Variants in TRDN observed in about 807,000 individuals in gnomAD.
TRDN encodes the protein triadin in skeletal muscle.
A neutral mutation model predicts 149.7 loss-of-function variants in TRDN; 161 were observed. That is an observed-to-expected ratio of 1.08 (90% CI 0.95 to 1.23). TRDN has a LOEUF of 1.23. Ranked by LOEUF, TRDN falls within the 50% of genes most tolerant of loss-of-function variation. The pLI, the probability that TRDN is intolerant of heterozygous loss-of-function variation, is 0.00. For missense variants in TRDN, 896 were observed against 823.5 expected, an observed-to-expected ratio of 1.09 and a Z score of -1.08; for synonymous variants, 294 against 250.5, an observed-to-expected ratio of 1.17 and a Z score of -1.64.
intron 5 of TRDN, chr6:123,528,856 C>G (rs1286716502): frequency 9.8e-6 from 10 of 1,022,014 alleles, no homozygotes; most frequent in African/African-American, 1.7e-5. Context: ...TGTGGAGCAA[C>G]TGAAGCTCTA....
intron 4 of TRDN, among the ~76,000 whole-genome samples, chr6:123,540,482 A>G (rs1235261147): frequency 6.6e-6 from 1 of 151,970 alleles, no homozygotes; most frequent in Non-Finnish European, 1.5e-5. Context: ...AGCCAACTCT[A>G]TTTATGCCTT....
chr6:123,311,304 C>T (rs957902075), intron 24 of TRDN, among the ~76,000 whole-genome samples: 9 of 151,850 alleles, frequency 5.9e-5, no homozygotes, highest in Non-Finnish European at 2.9e-5. Context: ...TGGGGGAAAT[C>T]GCCCCCATGA....
chr6:123,356,057 T>C (rs1425842423), intron 20 of TRDN, among the ~76,000 whole-genome samples: 1 of 151,774 alleles, frequency 6.6e-6, no homozygotes, highest in African/African-American at 2.4e-5. Context: ...GATAATCATA[T>C]CATTTGTGAA....
chr6:123,578,416 C>G (rs1782958521), intron 1 of TRDN, among the ~76,000 whole-genome samples: 1 of 151,772 alleles, frequency 6.6e-6, no homozygotes, highest in Non-Finnish European at 1.5e-5. Context: ...TTACATATAA[C>G]TTCCCCATTG....
intron 38 of TRDN, among the ~76,000 whole-genome samples, chr6:123,240,891 T>G (rs1277921516): frequency 1.3e-5 from 2 of 151,896 alleles, no homozygotes; most frequent in African/African-American, 4.8e-5. Context: ...AGTTACTTGA[T>G]TTTTGAGGTG....
chr6:123,593,941 G>T (rs1011331732), intron 1 of TRDN, among the ~76,000 whole-genome samples: 1 of 152,110 alleles, frequency 6.6e-6, no homozygotes, highest in Non-Finnish European at 1.5e-5. Context: ...TGATTAAATT[G>T]TAGAGGAAAT....
chr6:123,469,491 A>G (rs1423805697), intron 9 of TRDN: 1 of 152,206 alleles, frequency 6.6e-6, no homozygotes, highest in Non-Finnish European at 1.5e-5. Context: ...GACCTCTCCA[A>G]CTGGGAATAA....
At chr6:123,538,060 T>C (rs1487167202) in intron 4 of TRDN, among the ~76,000 whole-genome samples, 1 of 152,188 alleles carries the variant, frequency 6.6e-6, no homozygotes, top group Admixed American at 6.5e-5. Context: ...AAGAATAATC[T>C]CTGTCATCAA....
At position 123,410,877 on chromosome 6, in the gene TRDN, A is replaced by C. The variant is rs137983016; in HGVS notation, c.1052-17200T>G. Among the ~76,000 whole-genome samples, 711 of 152,030 alleles carry C rather than the reference A, an allele frequency of 4.7e-3. 2 individuals carry two copies. The highest frequency in any genetic ancestry group is 7.2e-3 in the Non-Finnish European group (491 of 67,992). On this transcript the variant is annotated intron_variant, in intron 12 of 40. Transcript: ENST00000334268. ...ATTTTGCTTCACAAATACATAACAA[A>C]ATGACACCTATTGATTGCCAACATA... is the stretch of plus-strand genomic sequence containing the variant.
chr6:123,547,260 TA>T, intron 4 of TRDN, 79 bp downstream of exon 4: 1 of 859,210 alleles, frequency 1.2e-6, no homozygotes, highest in Non-Finnish European at 1.7e-6. Flanking sequence ...TTAAAATAAG[TA>T]AAATATATTT....
rs1269993946 is a variant in TRDN, at chr6:123,547,359, C to T, written c.405G>A (p.Glu135=). 1.4e-6 allele frequency: 2 copies of T among 1,460,372 alleles called. No homozygotes were observed. Among genetic ancestry groups the T allele is most frequent in the Non-Finnish European group, 1.8e-6 (2 of 1,099,478 alleles). The allele number at this position is 1,460,372 out of a possible 1,614,324, so 90.5% of individuals were successfully genotyped here. A position where few individuals can be genotyped will look rare whatever the true frequency, so the allele number is the denominator to read the frequency against. Residue 135 remains glutamate, a synonymous_variant, in exon 4 of 41, where the codon GAG becomes GAA. Coordinates refer to ENST00000334268, the MANE Select transcript of TRDN (RefSeq NM_006073.4). ...DEDTDKGEID[E]PPLRKKEIHK... ...ACTAACCTTTTTTTCTCAAGGGAGG[C>T]TCATCTATTTCTCCTAGACCAAGAT...
intron 38 of TRDN, among the ~76,000 whole-genome samples, chr6:123,232,574 GAGAAACT>G (rs1367447138): frequency 6.6e-6 from 1 of 151,954 alleles, no homozygotes; most frequent in Non-Finnish European, 1.5e-5. Context: ...GCAGAGGTAG[GAGAAACT>G]CTTATGGTAA....
intron 33 of TRDN, among the ~76,000 whole-genome samples, chr6:123,261,756 G>A (rs1477298969): frequency 1.3e-5 from 2 of 151,662 alleles, no homozygotes; most frequent in Admixed American, 1.3e-4. Flanking sequence ...ACTTTAAAAT[G>A]GCTTTATAAT....
intron 32 of TRDN, among the ~76,000 whole-genome samples, chr6:123,266,862 G>A (rs1323393382): frequency 7.1e-6 from 1 of 140,294 alleles, no homozygotes; most frequent in Non-Finnish European, 1.5e-5. Context: ...AAATAACAGT[G>A]ATTTGGGAGG....
At chr6:123,490,887 G>A (rs1467851146) in intron 9 of TRDN, among the ~76,000 whole-genome samples, 1 of 152,108 alleles carries the variant, frequency 6.6e-6, no homozygotes, top group Non-Finnish European at 1.5e-5. Flanking sequence ...GGCGGATCAC[G>A]AGGTCAAGAG....
chr6:123,422,775 T>G (rs555217669), intron 12 of TRDN, among the ~76,000 whole-genome samples: 2 of 152,222 alleles, frequency 1.3e-5, no homozygotes, highest in East Asian at 3.9e-4. Context: ...AAAAAAAGTC[T>G]TCAGTACTTA....
chr6:123,282,080 T>G (rs983421411), intron 24 of TRDN, among the ~76,000 whole-genome samples: 1 of 151,710 alleles, frequency 6.6e-6, no homozygotes, highest in Non-Finnish European at 1.5e-5. Flanking sequence ...TGGACAAACA[T>G]AGAGGGAATG....
At chr6:123,418,255 A>G (rs917643333) in intron 12 of TRDN, among the ~76,000 whole-genome samples, 1 of 152,096 alleles carries the variant, frequency 6.6e-6, no homozygotes, top group African/African-American at 2.4e-5. Context: ...AAAGACTAAA[A>G]AAATCCATTT....
At chr6:123,242,388 C>T (rs548256032) in intron 38 of TRDN, among the ~76,000 whole-genome samples, 193 of 152,024 alleles carry the variant, frequency 1.3e-3, no homozygotes, top group Non-Finnish European at 2.6e-3. Flanking sequence ...ATAATAAAAT[C>T]TCACACATCC....
Sources: gnomAD v4.1 joint callset for allele counts (sites outside exome capture counted in the v4.1 genomes callset) on GRCh38, gnomAD v4.1.1 for gene constraint, MANE v1.5 for transcripts, NCBI Gene and HGNC (gene_info 2026-07-23, HGNC 2026-07-21) for gene names.